Variants in CADM2 observed in about 807,000 individuals in gnomAD.
CADM2 encodes the protein immunoglobulin superfamily member 4D.
A neutral mutation model predicts 49.8 loss-of-function variants in CADM2; 12 were observed. The ratio of observed to expected loss-of-function variants is 0.24; its 90% confidence interval spans 0.15 to 0.39. CADM2 has a LOEUF of 0.39. Ranked by LOEUF, CADM2 falls within the 10% of genes least tolerant of loss-of-function variation. The pLI, the probability that CADM2 is intolerant of heterozygous loss-of-function variation, is 1.00. For synonymous variants in CADM2, 214 were observed against 175.4 expected, an observed-to-expected ratio of 1.22 and a Z score of -1.74; for missense variants, 378 against 492.3, an observed-to-expected ratio of 0.77 and a Z score of 2.20.
Position 85,577,523 on chromosome 3 carries a change from A to G in CADM2, c.62-148999A>G, listed in dbSNP as rs543615942. ...CCTCAACCTTGGTCTCCTGAACTTT[A>G]AGACATAAGTTTATTTCATTCAAAA... On this transcript the variant is annotated intron_variant, in intron 1 of 9. Transcript: ENST00000383699. Among the ~76,000 whole-genome samples the G allele has an allele frequency of 4.6e-5, 7 of 152,260 alleles. No homozygotes were observed. The East Asian group carries it at 1.4e-3, about 29-fold the overall frequency.
At chr3:85,762,054 T>C (rs889477476) in intron 2 of CADM2, among the ~76,000 whole-genome samples, 1 of 152,064 alleles carries the variant, frequency 6.6e-6, no homozygotes, top group African/African-American at 2.4e-5. Context: ...GGAAGAATAA[T>C]TTATTGGGGT....
At chr3:86,011,692 G>T (rs1340478981) in intron 8 of CADM2, among the ~76,000 whole-genome samples, 1 of 152,110 alleles carries the variant, frequency 6.6e-6, no homozygotes, top group Non-Finnish European at 1.5e-5. Flanking sequence ...TTTACAAGAG[G>T]TGAATCTGTC....
intron 1 of CADM2, among the ~76,000 whole-genome samples, chr3:85,593,004 G>GTC (rs1358310201): frequency 1.3e-5 from 2 of 151,782 alleles, no homozygotes; most frequent in Non-Finnish European, 2.9e-5. Flanking sequence ...ACTCCAAAGA[G>GTC]CCTGTATTCT....
chr3:85,637,621 A>AATAAAATAAAATAAAATAAAATAAAAT (rs1553753403), intron 1 of CADM2, among the ~76,000 whole-genome samples: 1 of 114,526 alleles, frequency 8.7e-6, no homozygotes, highest in Admixed American at 9.0e-5. Flanking sequence ...AAAAAAAAAA[A>AATAAAATAAAATAAAATAAAATAAAAT]AAAATAAAAT....
chr3:85,126,192 G>A (rs2039027110), intron 1 of CADM2, among the ~76,000 whole-genome samples: 1 of 152,108 alleles, frequency 6.6e-6, no homozygotes. Context: ...TCTGTATACA[G>A]GCAGAGTTTT....
intron 1 of CADM2, among the ~76,000 whole-genome samples, chr3:85,571,207 T>C (rs745821920): frequency 1.3e-5 from 2 of 152,186 alleles, no homozygotes; most frequent in Non-Finnish European, 2.9e-5. Context: ...TAATTTTATC[T>C]AGAAATATGC....
At chr3:85,921,079 A>G (rs1719041743) in intron 6 of CADM2, among the ~76,000 whole-genome samples, 1 of 151,938 alleles carries the variant, frequency 6.6e-6, no homozygotes. Context: ...AGTCAGTCTA[A>G]TAGAGAATAA....
intron 1 of CADM2, among the ~76,000 whole-genome samples, chr3:85,642,857 T>TG (rs1256692548): frequency 6.6e-6 from 1 of 152,188 alleles, no homozygotes; most frequent in African/African-American, 2.4e-5. Context: ...ATATAGTATT[T>TG]GGGAAACGAA....
chr3:85,629,125 C>T (rs2064224268), intron 1 of CADM2, among the ~76,000 whole-genome samples: 1 of 151,676 alleles, frequency 6.6e-6, no homozygotes, highest in South Asian at 2.1e-4. Context: ...ATTATAGACA[C>T]AGCTATTATA....
chr3:85,986,239 A>G (rs1336142658), intron 8 of CADM2, among the ~76,000 whole-genome samples: 2 of 152,052 alleles, frequency 1.3e-5, no homozygotes, highest in African/African-American at 4.8e-5. Flanking sequence ...GAATACAAAG[A>G]AATAAAGAAA....
intron 1 of CADM2, among the ~76,000 whole-genome samples, chr3:85,180,203 A>G (rs1245449969): frequency 6.6e-6 from 1 of 152,138 alleles, no homozygotes; most frequent in Non-Finnish European, 1.5e-5. Flanking sequence ...TGGCAAAGAT[A>G]CTTTCAGGTT....
chr3:85,631,865 G>T (rs1488344107), intron 1 of CADM2, among the ~76,000 whole-genome samples: 1 of 152,098 alleles, frequency 6.6e-6, no homozygotes, highest in African/African-American at 2.4e-5. Context: ...CTCAACAGAT[G>T]ATACTGGTAA....
intron 2 of CADM2, among the ~76,000 whole-genome samples, chr3:85,765,297 C>A (rs2069601629): frequency 6.6e-6 from 1 of 152,074 alleles, no homozygotes; most frequent in Non-Finnish European, 1.5e-5. Flanking sequence ...AAAATAGATT[C>A]TTAAAATATT....
intron 2 of CADM2, among the ~76,000 whole-genome samples, chr3:85,779,860 G>A (rs946190098): frequency 6.6e-6 from 1 of 152,028 alleles, no homozygotes; most frequent in South Asian, 2.1e-4. Flanking sequence ...TTTTTATTAG[G>A]TGCCTTTATC....
At chr3:85,173,659 T>A (rs949493859) in intron 1 of CADM2, among the ~76,000 whole-genome samples, 3 of 152,152 alleles carry the variant, frequency 2.0e-5, no homozygotes, top group Admixed American at 2.0e-4. Context: ...GACCTTTATT[T>A]TATTTAAAGA....
In CADM2 at chr3:85,598,861, A is replaced by G. The variant is rs933326428; in HGVS notation, c.62-127661A>G. ...TACTTAAGTGTGTGTGTGTGTATAT[A>G]TATATATATATAGATTTATTATACA... On this transcript the variant is annotated intron_variant, in intron 1 of 9. Transcript: ENST00000383699. 6.6e-5 allele frequency among the ~76,000 whole-genome samples: 10 copies of G among 151,322 alleles called. 1 individual carries two copies. Among genetic ancestry groups the G allele is most frequent in the South Asian group, 4.2e-4 (2 of 4,810 alleles).
intron 1 of CADM2, among the ~76,000 whole-genome samples, chr3:85,155,612 T>G (rs2040083691): frequency 6.6e-6 from 1 of 151,982 alleles, no homozygotes; most frequent in Admixed American, 6.6e-5. Flanking sequence ...TACAGAACTC[T>G]CCACCCCAAA....
At chr3:85,117,823 G>A (rs991670172) in intron 1 of CADM2, among the ~76,000 whole-genome samples, 2 of 152,100 alleles carry the variant, frequency 1.3e-5, no homozygotes, top group Non-Finnish European at 2.9e-5. Context: ...CTTCCTTTGT[G>A]TGGAGCCAAT....
chr3:85,245,205 T>A (rs1201104480), intron 1 of CADM2, among the ~76,000 whole-genome samples: 3 of 152,106 alleles, frequency 2.0e-5, no homozygotes, highest in Admixed American at 1.3e-4. Context: ...ATGCAATAAA[T>A]CTGTAACAGT....
Sources: gnomAD v4.1 joint callset for allele counts (sites outside exome capture counted in the v4.1 genomes callset) on GRCh38, gnomAD v4.1.1 for gene constraint, MANE v1.5 for transcripts, NCBI Gene and HGNC (gene_info 2026-07-23, HGNC 2026-07-21) for gene names.